The following DENND2A variants were observed in gnomAD, a reference collection of about 807,000 sequenced individuals.
DENND2A encodes the protein DENN domain-containing protein 2A.
A neutral mutation model predicts 105.3 loss-of-function variants in DENND2A; 53 were observed. That is an observed-to-expected ratio of 0.50 (90% confidence interval 0.40 to 0.63). The LOEUF (loss-of-function observed/expected upper bound fraction) is 0.63, where lower values mean the gene tolerates loss of function less well. DENND2A is among the 30% of genes least tolerant of loss of function. The pLI, the probability that DENND2A is intolerant of heterozygous loss-of-function variation, is 0.00. For missense variants in DENND2A, 1,138 were observed against 1,279.6 expected (o/e 0.89, Z 1.69); for synonymous variants, 522 against 508.4 (o/e 1.03, Z -0.36).
intron 9 of DENND2A, among the ~76,000 whole-genome samples, chr7:140,561,049 T>A (rs1797595304): frequency 6.6e-6 from 1 of 152,172 alleles, no homozygotes; most frequent in African/African-American, 2.4e-5. Context: ...TGTATAAATA[T>A]ATATTTTTTA....
chr7:140,546,725 C>G, intron 13 of DENND2A, 74 bp downstream of exon 13: 1 of 1,566,332 alleles, frequency 6.4e-7, no homozygotes, highest in East Asian at 2.3e-5. Context: ...TGAAAGGCAG[C>G]CCCTCTGAGC....
At chr7:140,597,785 A>C (rs1360425901) in intron 3 of DENND2A, among the ~76,000 whole-genome samples, 1 of 152,180 alleles carries the variant, frequency 6.6e-6, no homozygotes, top group African/African-American at 2.4e-5. Context: ...AAGAGCCAGA[A>C]GGGGCGTGGA....
At chr7:140,545,823 C>T (rs1796874522) in intron 13 of DENND2A, among the ~76,000 whole-genome samples, 1 of 152,174 alleles carries the variant, frequency 6.6e-6, no homozygotes, top group Non-Finnish European at 1.5e-5. Flanking sequence ...CCTGGTGCTG[C>T]CCCAACGGTG....
Position 140,523,529 on chromosome 7 carries a change from T to A in DENND2A, c.2548-105A>T. ...GGCAGGCCTGGCTCAGTCTCCAGTT[T>A]CATGGAAGGAATACAACTGAAAGCC... On this transcript the variant is annotated intron_variant, in intron 16 of 19. Transcript: ENST00000496613. The surrounding 1 kb of genome is among the most constrained non-coding windows in gnomAD (Gnocchi z 4.5). 1 of 932,732 alleles carries A rather than the reference T, an allele frequency of 1.1e-6. No individual in the cohort carries two copies. The highest frequency in any genetic ancestry group is 1.7e-6 in the Non-Finnish European group (1 of 595,262). The allele number at this position is 932,732 out of a possible 1,614,324, so 57.8% of individuals were successfully genotyped here. A position where few individuals can be genotyped will look rare whatever the true frequency, so the allele number is the denominator to read the frequency against.
intron 16 of DENND2A, among the ~76,000 whole-genome samples, chr7:140,525,153 C>CTTTT (rs1198329788): frequency 5.4e-5 from 6 of 112,012 alleles, no homozygotes; most frequent in African/African-American, 1.5e-4. Context: ...GAGACCCTGT[C>CTTTT]TTTTTTTTTT....
At chr7:140,528,317 A>G (rs773014482) in intron 14 of DENND2A, among the ~76,000 whole-genome samples, 1 of 152,204 alleles carries the variant, frequency 6.6e-6, no homozygotes, top group Non-Finnish European at 1.5e-5. Flanking sequence ...TGTTCCAAGC[A>G]TTCTTTCAGC....
chr7:140,572,547 G>A (rs1364962390), intron 6 of DENND2A, among the ~76,000 whole-genome samples: 1 of 151,516 alleles, frequency 6.6e-6, no homozygotes, highest in Non-Finnish European at 1.5e-5. Flanking sequence ...CGGATCACGC[G>A]GTCAGCAGTT....
chr7:140,567,344 G>A, intron 8 of DENND2A, 71 bp from the exon 9 acceptor site: 6 of 1,128,870 alleles, frequency 5.3e-6, no homozygotes, highest in Non-Finnish European at 7.4e-6. Context: ...GAGAGAGAGA[G>A]ACAGAGTGAG....
At chr7:140,578,853 G>A (rs1191220406) in intron 5 of DENND2A, among the ~76,000 whole-genome samples, 1 of 152,182 alleles carries the variant, frequency 6.6e-6, no homozygotes, top group Non-Finnish European at 1.5e-5. Flanking sequence ...TAGCCTGGGC[G>A]ACAGCGTGAG....
intron 1 of DENND2A, among the ~76,000 whole-genome samples, chr7:140,614,690 G>C (rs1021353625): frequency 6.6e-6 from 1 of 152,180 alleles, no homozygotes; most frequent in Non-Finnish European, 1.5e-5. Context: ...AACAAAAATA[G>C]CTGTTTTCTT....
intron 1 of DENND2A, among the ~76,000 whole-genome samples, chr7:140,610,176 A>G (rs1799842803): frequency 6.6e-6 from 1 of 151,176 alleles, no homozygotes; most frequent in African/African-American, 2.4e-5. Flanking sequence ...TCACTATGTC[A>G]CCTAGGCTGG....
chr7:140,608,964 A>G (rs957467048), intron 1 of DENND2A, among the ~76,000 whole-genome samples: 2 of 152,160 alleles, frequency 1.3e-5, no homozygotes, highest in African/African-American at 4.8e-5. Flanking sequence ...GGTAAATCAA[A>G]GGTCGCAGAG....
chr7:140,587,504 G>A (rs995633714), intron 4 of DENND2A, 149 bp downstream of exon 4: 2 of 1,111,464 alleles, frequency 1.8e-6, no homozygotes, highest in Non-Finnish European at 2.6e-6. Flanking sequence ...CACCCCACCT[G>A]CCTGCTTTTT....
chr7:140,641,134 C>A (rs1272421307), upstream of DENND2A, among the ~76,000 whole-genome samples: 1 of 152,324 alleles, frequency 6.6e-6, no homozygotes, highest in African/African-American at 2.4e-5. Context: ...GTGCCCGGCC[C>A]CGCTTACTCT....
At chr7:140,533,388 C>T (rs1796337269) in intron 14 of DENND2A, among the ~76,000 whole-genome samples, 1 of 152,180 alleles carries the variant, frequency 6.6e-6, no homozygotes, top group East Asian at 1.9e-4. Flanking sequence ...CTTGGGGCTC[C>T]TTGCTGTACA....
intron 1 of DENND2A, among the ~76,000 whole-genome samples, chr7:140,639,722 C>A (rs958397939): frequency 6.6e-6 from 1 of 152,236 alleles, no homozygotes; most frequent in Non-Finnish European, 1.5e-5. Context: ...TCCTGAATCG[C>A]ATCTGAACAG....
At chr7:140,525,893 G>T in intron 15 of DENND2A, 101 bp from the exon 16 acceptor site, 1 of 998,068 alleles carries the variant, frequency 1.0e-6, no homozygotes, top group Non-Finnish European at 1.4e-6. Flanking sequence ...GAGGCAGCTG[G>T]GGCGGGGCTG....
chr7:140,558,695 CAAAA>C (rs1232604188), intron 10 of DENND2A, among the ~76,000 whole-genome samples: 1 of 51,466 alleles, frequency 1.9e-5, no homozygotes, highest in African/African-American at 6.4e-5. Context: ...GACTCTATCT[CAAAA>C]AAAAAAAAAA....
chr7:140,589,347 C>T (rs1459560397), intron 3 of DENND2A, among the ~76,000 whole-genome samples: 1 of 152,176 alleles, frequency 6.6e-6, no homozygotes, highest in East Asian at 1.9e-4. Flanking sequence ...TGCTGCATTA[C>T]ACAGTACTGT....
Sources: allele counts gnomAD v4.1 joint callset (sites outside exome capture counted in the v4.1 genomes callset), GRCh38; gene constraint gnomAD v4.1.1; non-coding constraint Gnocchi (gnomAD v3.1); transcripts MANE v1.5; gene names NCBI Gene and HGNC (gene_info 2026-07-23, HGNC 2026-07-21).